Variants in CARMIL1 observed in about 807,000 individuals in gnomAD.
CARMIL1 encodes the protein capping protein regulator and myosin 1 linker 1.
CARMIL1 carries 90 observed loss-of-function variants against 177.1 expected under a neutral mutation model. The observed-to-expected ratio is 0.51, with a 90% CI of 0.43 to 0.61. The LOEUF is 0.61. Ranked by LOEUF, CARMIL1 falls within the 20% of genes least tolerant of loss-of-function variation. The pLI is 0.00. For synonymous variants in CARMIL1, 577 were observed against 606.2 expected (o/e 0.95, Z 0.71); for missense variants, 1,380 against 1,667.0 (o/e 0.83, Z 3.00).
chr6:25,546,673 A>ACAAC (rs1183336419), intron 26 of CARMIL1, among the ~76,000 whole-genome samples: 8 of 147,802 alleles, frequency 5.4e-5, no homozygotes, highest in South Asian at 2.1e-4. Context: ...CAACAACAAA[A>ACAAC]AAAAAAAAAA....
intron 8 of CARMIL1, among the ~76,000 whole-genome samples, chr6:25,461,604 G>A (rs191345604): frequency 6.6e-6 from 1 of 152,218 alleles, no homozygotes; most frequent in East Asian, 1.9e-4. Flanking sequence ...TTTAGTTTCT[G>A]GTAATTATGA....
intron 2 of CARMIL1, among the ~76,000 whole-genome samples, chr6:25,407,318 G>A (rs1286746859): frequency 6.6e-6 from 1 of 152,072 alleles, no homozygotes; most frequent in Non-Finnish European, 1.5e-5. Flanking sequence ...TGGATATTTA[G>A]AGATGGAAGA....
rs372190139 is a variant in CARMIL1 at position 25,488,569 on chromosome 6, G to A, written c.1049G>A (p.Arg350His). 6 of 1,613,516 alleles carry A rather than the reference G, an allele frequency of 3.7e-6. No homozygotes were observed. Among genetic ancestry groups the A allele is most frequent in the Non-Finnish European group, 4.2e-6 (5 of 1,179,460 alleles). ...CTCGACCTCTCAGGGAACGTCCTTCGTGGAGATGACCTCTCAGTAAGTTTT... is the reference window on the plus strand; with the variant it reads ...CTCGACCTCTCAGGGAACGTCCTTCATGGAGATGACCTCTCAGTAAGTTTT... Reference protein sequence around the residue: ...VHLDLSGNVLRGDDLSHMYNF... With the variant: ...VHLDLSGNVLHGDDLSHMYNF... The change falls in exon 13 of 37, where the codon CGT (arginine) becomes CAT (histidine). Residue 350 changes from arginine (R) to histidine (H), a missense_variant. Transcript: ENST00000329474.
intron 36 of CARMIL1, chr6:25,612,782 G>A (rs1816603917): frequency 1.0e-6 from 1 of 985,346 alleles, no homozygotes; most frequent in Non-Finnish European, 1.2e-6. Context: ...GATCATGACA[G>A]TGGCAAGCCT....
In CARMIL1 at chr6:25,402,355, A is replaced by G. The variant is rs187128591; in HGVS notation, c.139-17759A>G. Among the ~76,000 whole-genome samples the G allele has an allele frequency of 6.7e-3, 1,027 of 152,336 alleles. 7 individuals are homozygous for G. The highest frequency in any genetic ancestry group is 0.036 in the South Asian group (173 of 4,824). Reference sequence around the variant, plus strand: ...GACAGTGTTAGAATGACGGCCTGTAAGATATTGGAATTGCATGCAAAAACC... The same window carrying G: ...GACAGTGTTAGAATGACGGCCTGTAGGATATTGGAATTGCATGCAAAAACC... On this transcript the variant is annotated intron_variant, in intron 2 of 36. Coordinates refer to ENST00000329474, the MANE Select transcript of CARMIL1 (RefSeq NM_017640.6).
chr6:25,337,525 G>A (rs1053808064), intron 2 of CARMIL1, among the ~76,000 whole-genome samples: 2 of 152,316 alleles, frequency 1.3e-5, no homozygotes, highest in East Asian at 3.9e-4. Flanking sequence ...TCACACAATG[G>A]TGTAACCAGC....
intron 2 of CARMIL1, among the ~76,000 whole-genome samples, chr6:25,408,483 T>C (rs909495910): frequency 6.7e-6 from 1 of 149,970 alleles, no homozygotes; most frequent in Admixed American, 6.7e-5. Flanking sequence ...ACACTGACTA[T>C]CGCCAACACT....
At chr6:25,402,351 T>C (rs1168654479) in intron 2 of CARMIL1, among the ~76,000 whole-genome samples, 1 of 152,182 alleles carries the variant, frequency 6.6e-6, no homozygotes, top group Non-Finnish European at 1.5e-5. Flanking sequence ...AATGACGGCC[T>C]GTAAGATATT....
intron 17 of CARMIL1, among the ~76,000 whole-genome samples, chr6:25,501,992 T>TAAA (rs34408599): frequency 0.099 from 9,620 of 96,858 alleles, 635 homozygotes; most frequent in East Asian, 0.25. Context: ...AGACATATTG[T>TAAA]AAAAAAAAAA....
At position 25,555,375 on chromosome 6, in the gene CARMIL1, A is replaced by T. The variant is rs548859435; in HGVS notation, c.2592+1279A>T. On this transcript the variant is annotated intron_variant, in intron 28 of 36. Transcript: ENST00000329474. Reference sequence around the variant, plus strand: ...TTTTTAAATAAGTACAAACAAAAGCAATAGAGTATTCATTCATTCATTCAT... The same window carrying T: ...TTTTTAAATAAGTACAAACAAAAGCTATAGAGTATTCATTCATTCATTCAT... Among the ~76,000 whole-genome samples, 36 of 133,354 alleles carry T rather than the reference A, an allele frequency of 2.7e-4. 1 individual carries two copies. Among genetic ancestry groups the T allele is most frequent in the Admixed American group, 1.6e-3 (21 of 12,912 alleles). The allele number at this position is 133,354 out of a possible 152,430, so 87.5% of individuals were successfully genotyped here. A position where few individuals can be genotyped will look rare whatever the true frequency, so the allele number is the denominator to read the frequency against.
intron 28 of CARMIL1, among the ~76,000 whole-genome samples, chr6:25,555,981 T>C (rs1184137943): frequency 6.6e-6 from 1 of 152,168 alleles, no homozygotes; most frequent in Non-Finnish European, 1.5e-5. Context: ...CTGATTTAGA[T>C]TATAAGGAAA....
chr6:25,576,873 C>G lies in CARMIL1; in HGVS notation c.2743-4051C>G, dbSNP rs371798485. The G allele has an allele frequency of 5.8e-5, 29 of 499,734 alleles. No individual in the cohort carries two copies. In the East Asian group the frequency reaches 1.2e-3, roughly 21 times the overall value. The allele number at this position is 499,734 out of a possible 1,614,324, so 31.0% of individuals were successfully genotyped here. On this transcript the variant is annotated intron_variant, in intron 29 of 36. Transcript: ENST00000329474. ...TTTATGTGTTTTAGCTTTTCTGTTT[C>G]TTTGTTTGTGAATGGTATCCCTCTC...
intron 2 of CARMIL1, among the ~76,000 whole-genome samples, chr6:25,365,144 GA>G (rs1789640204): frequency 6.6e-6 from 1 of 152,126 alleles, no homozygotes; most frequent in Non-Finnish European, 1.5e-5. Flanking sequence ...GCAGAGATTG[GA>G]TATTTTTTCC....
intron 2 of CARMIL1, among the ~76,000 whole-genome samples, chr6:25,400,781 A>C (rs939891260): frequency 1.3e-5 from 2 of 152,208 alleles, no homozygotes; most frequent in African/African-American, 2.4e-5. Context: ...GCCTTTCTCT[A>C]TGTTAGCACT....
chr6:25,493,997 C>G (rs557458823), intron 15 of CARMIL1, among the ~76,000 whole-genome samples: 1 of 151,236 alleles, frequency 6.6e-6, no homozygotes, highest in South Asian at 2.1e-4. Context: ...TTTTTCTTCT[C>G]AAATAGTCTT....
At chr6:25,538,749 C>T (rs963951815) in intron 25 of CARMIL1, among the ~76,000 whole-genome samples, 4 of 152,140 alleles carry the variant, frequency 2.6e-5, no homozygotes, top group Non-Finnish European at 5.9e-5. Flanking sequence ...GGTGACTCTT[C>T]CTGTGCCCCT....
chr6:25,368,559 C>G (rs2150421473), intron 2 of CARMIL1, among the ~76,000 whole-genome samples: 1 of 152,296 alleles, frequency 6.6e-6, no homozygotes, highest in East Asian at 1.9e-4. Flanking sequence ...GGAGACAAAA[C>G]AGACATTACT....
chr6:25,364,671 C>T (rs537812895), intron 2 of CARMIL1, among the ~76,000 whole-genome samples: 23 of 152,168 alleles, frequency 1.5e-4, no homozygotes, highest in Non-Finnish European at 2.2e-4. Context: ...TCAAATGATT[C>T]TCCTGCCTCA....
chr6:25,560,464 A>G (rs1332486192), intron 29 of CARMIL1, among the ~76,000 whole-genome samples: 1 of 152,094 alleles, frequency 6.6e-6, no homozygotes, highest in Non-Finnish European at 1.5e-5. Context: ...AAGCCTTCTT[A>G]TTCATGTGCT....
Sources: allele counts gnomAD v4.1 joint callset (sites outside exome capture counted in the v4.1 genomes callset), GRCh38; gene constraint gnomAD v4.1.1; transcripts MANE v1.5; gene names NCBI Gene and HGNC (gene_info 2026-07-23, HGNC 2026-07-21).